Variants in RGMA observed in about 807,000 individuals in gnomAD.
The protein encoded by RGMA is repulsive guidance molecule BMP co-receptor a, also known as repulsive guidance molecule A.
In RGMA, 10 loss-of-function variants were observed where a neutral mutation model predicts 23.2. The ratio of observed to expected loss-of-function variants is 0.43; its 90% CI spans 0.27 to 0.73. The LOEUF is 0.73. RGMA is among the 30% of genes least tolerant of loss of function. The pLI is 0.20. For missense variants in RGMA, 547 were observed against 630.5 expected (o/e 0.87, Z 1.42); for synonymous variants, 308 against 279.3 (o/e 1.10, Z -1.03).
At chr15:93,063,388 T>C (rs1895035414) in intron 2 of RGMA, among the ~76,000 whole-genome samples, 1 of 152,212 alleles carries the variant, frequency 6.6e-6, no homozygotes, top group Non-Finnish European at 1.5e-5. Context: ...CTCCTGTCCT[T>C]TGTGCCTCAG....
In RGMA at chr15:93,044,958, C is replaced by A; in HGVS notation, c.*40G>T. On this transcript the variant is annotated 3_prime_UTR_variant, in exon 4 of 4. Coordinates refer to ENST00000329082, the MANE Select transcript of RGMA (RefSeq NM_020211.3). The stretch of plus-strand genomic sequence containing the variant: ...GGTCCCAGCCCACACATGGGGAAGC[C>A]GAGAGGACGGAGCCCGCGCCTCCCT... 6.7e-7 allele frequency: 1 copy of A among 1,502,950 alleles called. No homozygotes were observed. Among genetic ancestry groups the A allele is most frequent in the Middle Eastern group, 2.4e-4 (1 of 4,214 alleles). 93.1% of individuals were successfully genotyped at this position (1,502,950 alleles called of 1,614,324 possible). A position where few individuals can be genotyped will look rare whatever the true frequency, so the allele number is the denominator to read the frequency against.
At chr15:93,081,666 C>A (rs143681556) in intron 1 of RGMA, among the ~76,000 whole-genome samples, 1 of 152,348 alleles carries the variant, frequency 6.6e-6, no homozygotes, top group Non-Finnish European at 1.5e-5. Context: ...TCTCTCTCAA[C>A]CAACAGAAGG....
chr15:93,079,457 T>C (rs769246066), intron 1 of RGMA, among the ~76,000 whole-genome samples: 20 of 152,222 alleles, frequency 1.3e-4, no homozygotes, highest in Non-Finnish European at 2.5e-4. Flanking sequence ...TTCAGCTAGT[T>C]AAGACTTTAT....
At chr15:93,086,344 T>C (rs939300704) in intron 1 of RGMA, among the ~76,000 whole-genome samples, 1 of 152,228 alleles carries the variant, frequency 6.6e-6, no homozygotes, top group Admixed American at 6.5e-5. Context: ...TTCTATGTTT[T>C]TGCTCAATTG....
At chr15:93,052,929 G>A (rs995249510) in intron 2 of RGMA, among the ~76,000 whole-genome samples, 3 of 152,228 alleles carry the variant, frequency 2.0e-5, no homozygotes, top group African/African-American at 7.2e-5. Flanking sequence ...TGTGTCCCCA[G>A]TCCTGGCATT....
intron 2 of RGMA, among the ~76,000 whole-genome samples, chr15:93,054,673 T>C (rs545333164): frequency 6.6e-6 from 1 of 152,326 alleles, no homozygotes; most frequent in African/African-American, 2.4e-5. Flanking sequence ...GTCTTGGGTA[T>C]GTCTTTATCA....
At chr15:93,069,366 T>C (rs1389553583) in intron 2 of RGMA, among the ~76,000 whole-genome samples, 4 of 152,176 alleles carry the variant, frequency 2.6e-5, no homozygotes, top group Non-Finnish European at 5.9e-5. Flanking sequence ...CACCTCGGCC[T>C]CTCAAAGTGC....
chr15:93,077,092 G>A (rs867299565), intron 1 of RGMA, among the ~76,000 whole-genome samples: 2 of 152,206 alleles, frequency 1.3e-5, no homozygotes, highest in African/African-American at 2.4e-5. Flanking sequence ...CACCCAGCAC[G>A]CCAGGAACAA....
intron 3 of RGMA, among the ~76,000 whole-genome samples, chr15:93,048,924 C>G (rs1386530642): frequency 6.6e-6 from 1 of 151,948 alleles, no homozygotes; most frequent in Non-Finnish European, 1.5e-5. Context: ...CGGCGTCCTG[C>G]TTTCCAAGTG....
chr15:93,084,733 A>T (rs1196519918), intron 1 of RGMA, among the ~76,000 whole-genome samples: 1 of 152,132 alleles, frequency 6.6e-6, no homozygotes, highest in Non-Finnish European at 1.5e-5. Flanking sequence ...TTGGCCTCCC[A>T]AAGTGCTGGG....
At chr15:93,076,874 T>A (rs1895480806) in intron 1 of RGMA, among the ~76,000 whole-genome samples, 1 of 152,120 alleles carries the variant, frequency 6.6e-6, no homozygotes, top group South Asian at 2.1e-4. Context: ...GGGCTTAAAG[T>A]CAAGGCGAGA....
intron 2 of RGMA, chr15:93,066,491 C>A: frequency 1.9e-6 from 1 of 529,664 alleles, no homozygotes; most frequent in Non-Finnish European, 3.6e-6. Flanking sequence ...GGGGTCCCAT[C>A]CCAGCAGCGG....
At chr15:93,073,227 G>A (rs1321172700) in intron 1 of RGMA, 196 bp from the exon 2 acceptor site, 9 of 1,145,006 alleles carry the variant, frequency 7.9e-6, no homozygotes, top group Non-Finnish European at 7.6e-6. Flanking sequence ...CGCCAATGTC[G>A]ACGCGGCCCC....
At chr15:93,054,996 C>T (rs370955850) in intron 2 of RGMA, among the ~76,000 whole-genome samples, 5 of 152,206 alleles carry the variant, frequency 3.3e-5, no homozygotes, top group South Asian at 4.1e-4. Flanking sequence ...GGGAGTGCTA[C>T]GCAGAACAAG....
chr15:93,054,220 A>C (rs1596086038), intron 2 of RGMA, among the ~76,000 whole-genome samples: 1 of 119,478 alleles, frequency 8.4e-6, no homozygotes, highest in Admixed American at 9.2e-5. Context: ...ACAGAGCAAG[A>C]CTCCATCTCA....
intron 2 of RGMA, among the ~76,000 whole-genome samples, chr15:93,070,430 C>G (rs1895285867): frequency 6.6e-6 from 1 of 152,136 alleles, no homozygotes; most frequent in African/African-American, 2.4e-5. Flanking sequence ...TGTCTGGGTG[C>G]CTTCCACTTG....
Position 93,036,282 on chromosome 15 carries a change from G to A in RGMA, c.*8716C>T, listed in dbSNP as rs1377779775. 6.6e-6 allele frequency: 1 copy of A among 152,272 alleles called. No homozygotes were observed. Among genetic ancestry groups the A allele is most frequent in the African/African-American group, 2.4e-5 (1 of 41,446 alleles). The allele number at this position is 152,272 out of a possible 1,614,324, so 9.4% of individuals were successfully genotyped here. On this transcript the variant is annotated 3_prime_UTR_variant, in exon 4 of 4. Coordinates refer to ENST00000329082, the MANE Select transcript of RGMA (RefSeq NM_020211.3). ...AATCCAGACTACGACCAGCCACATCGGGGGTGGCCTACAAATGTTTGTGCC... is the reference window on the plus strand; with the variant it reads ...AATCCAGACTACGACCAGCCACATCAGGGGTGGCCTACAAATGTTTGTGCC...
chr15:93,036,451 T>C lies in RGMA; in HGVS notation c.*8547A>G, dbSNP rs979370932. 1 of 152,298 alleles carries C rather than the reference T, an allele frequency of 6.6e-6. No individual in the cohort carries two copies. The allele number at this position is 152,298 out of a possible 1,614,324, so 9.4% of individuals were successfully genotyped here. A position where few individuals can be genotyped will look rare whatever the true frequency, so the allele number is the denominator to read the frequency against. ...AAGAAGGCGGTTGCCGGAGTTTTCC[T>C]GCTCCACCCTGGGGAGGGACCCCTG... On this transcript the variant is annotated 3_prime_UTR_variant, in exon 4 of 4. Transcript: ENST00000329082.
rs1395410283 is a variant in RGMA, at chr15:93,041,188, A to G, written c.*3810T>C. The G allele has an allele frequency of 6.8e-6, 1 of 147,554 alleles. No homozygotes were observed. The allele number at this position is 147,554 out of a possible 1,614,324, so 9.1% of individuals were successfully genotyped here. On this transcript the variant is annotated 3_prime_UTR_variant, in exon 4 of 4. Coordinates refer to ENST00000329082, the MANE Select transcript of RGMA (RefSeq NM_020211.3). The stretch of plus-strand genomic sequence containing the variant: ...CGTGACTCTCATTCATTTGTTTTAA[A>G]GGCCATTTCTCTCCTGTCCTATAGC...
Sources: allele counts gnomAD v4.1 joint callset (sites outside exome capture counted in the v4.1 genomes callset), GRCh38; gene constraint gnomAD v4.1.1; transcripts MANE v1.5; gene names NCBI Gene and HGNC (gene_info 2026-07-23, HGNC 2026-07-21).